PTPRG: variants seen among roughly 807,000 people sequenced by gnomAD.
PTPRG encodes receptor-type tyrosine-protein phosphatase gamma.
Under a neutral mutation model 165.3 loss-of-function variants are expected in PTPRG, and 102 were observed. The ratio of observed to expected loss-of-function variants is 0.62; its 90% CI spans 0.53 to 0.73. The LOEUF (loss-of-function observed/expected upper bound fraction) is 0.73, where lower values mean the gene tolerates loss of function less well. Among genes scored for constraint, PTPRG ranks in the 30% least tolerant of loss-of-function variants. The probability of loss-of-function intolerance (pLI) is 0.00; values close to 1 mark genes in which losing one functional copy is unlikely to be tolerated. For synonymous variants in PTPRG, 675 were observed against 669.5 expected (o/e 1.01, Z -0.13); for missense variants, 1,866 against 1,861.4 (o/e 1.00, Z -0.05).
At chr3:61,930,852 G>T (rs908980640) in intron 2 of PTPRG, among the ~76,000 whole-genome samples, 3 of 152,170 alleles carry the variant, frequency 2.0e-5, no homozygotes, top group African/African-American at 7.2e-5. Context: ...CACGAGGTCA[G>T]GAGTTCGAGA....
At chr3:61,972,838 T>C (rs1228212899) in intron 2 of PTPRG, among the ~76,000 whole-genome samples, 2 of 151,558 alleles carry the variant, frequency 1.3e-5, no homozygotes, top group Non-Finnish European at 2.9e-5. Flanking sequence ...TTTTTTTTTT[T>C]TGTAGAGACA....
intron 27 of PTPRG, 63 bp from the exon 28 acceptor site, chr3:62,282,664 G>A (rs1702497934): frequency 6.6e-7 from 1 of 1,514,708 alleles, no homozygotes; most frequent in African/African-American, 1.4e-5. Context: ...GCAAGTTCTA[G>A]TCATTAGATT....
At position 62,293,494 on chromosome 3, in the gene PTPRG, C is replaced by T. The variant is rs569938539; in HGVS notation, c.*187C>T. ...CCTACTGAGCATTTGCACCTCTGTT[C>T]ATTTCACACAGTGAAACGCAATTTT... On this transcript the variant is annotated 3_prime_UTR_variant, in exon 30 of 30. Coordinates refer to ENST00000474889, the MANE Select transcript of PTPRG (RefSeq NM_002841.4). 8.6e-6 allele frequency: 4 copies of T among 465,628 alleles called. No individual in the cohort carries two copies. The highest frequency in any genetic ancestry group is 3.9e-5 in the Admixed American group (1 of 25,398). The allele number at this position is 465,628 out of a possible 1,614,324, so 28.8% of individuals were successfully genotyped here.
At chr3:62,093,194 G>A (rs767939486) in intron 5 of PTPRG, among the ~76,000 whole-genome samples, 1 of 152,178 alleles carries the variant, frequency 6.6e-6, no homozygotes, top group African/African-American at 2.4e-5. Context: ...GATCCCTTGA[G>A]GTCCCTTAAT....
At chr3:62,199,087 A>G (rs1001582971) in intron 10 of PTPRG, among the ~76,000 whole-genome samples, 2 of 152,222 alleles carry the variant, frequency 1.3e-5, no homozygotes, top group African/African-American at 4.8e-5. Context: ...GGCATTAAAT[A>G]GAGCTCCTTT....
intron 1 of PTPRG, among the ~76,000 whole-genome samples, chr3:61,689,310 C>T (rs866968920): frequency 2.0e-5 from 3 of 152,212 alleles, no homozygotes; most frequent in South Asian, 2.1e-4. Flanking sequence ...TACATTCACA[C>T]GTTTACACAC....
At chr3:61,664,717 G>C (rs544112507) in intron 1 of PTPRG, among the ~76,000 whole-genome samples, 1 of 152,298 alleles carries the variant, frequency 6.6e-6, no homozygotes, top group African/African-American at 2.4e-5. Flanking sequence ...TGTAATCCCA[G>C]CTACTAGGGA....
At chr3:62,282,953 AT>A in intron 28 of PTPRG, 84 bp downstream of exon 28, 1 of 1,329,682 alleles carries the variant, frequency 7.5e-7, no homozygotes, top group Non-Finnish European at 1.0e-6. Flanking sequence ...GGAAGCCAGA[AT>A]TTTAAAACCT....
At chr3:61,589,684 T>C (rs899278558) in intron 1 of PTPRG, among the ~76,000 whole-genome samples, 1 of 152,102 alleles carries the variant, frequency 6.6e-6, no homozygotes, top group South Asian at 2.1e-4. Context: ...CGTGTCAGGA[T>C]GGCCTTGTCC....
At chr3:61,664,129 T>C (rs1013470470) in intron 1 of PTPRG, among the ~76,000 whole-genome samples, 3 of 152,226 alleles carry the variant, frequency 2.0e-5, no homozygotes, top group Non-Finnish European at 4.4e-5. Flanking sequence ...CCTTAAGTTG[T>C]GAGTGATGAA....
intron 6 of PTPRG, among the ~76,000 whole-genome samples, chr3:62,148,695 G>A (rs1704211341): frequency 6.6e-6 from 1 of 152,158 alleles, no homozygotes; most frequent in Non-Finnish European, 1.5e-5. Context: ...TCAGAAGGTG[G>A]AGGTGGCAGT....
chr3:61,750,641 T>C (rs1039182410), intron 2 of PTPRG: 4 of 152,206 alleles, frequency 2.6e-5, no homozygotes, highest in African/African-American at 9.6e-5. Flanking sequence ...TCAAAAGCCA[T>C]GTCGTCTTTG....
rs1700342085 is a variant in PTPRG at position 62,210,842 on chromosome 3, A to T, written c.2155+6892A>T. On this transcript the variant is annotated intron_variant, in intron 12 of 29. Transcript: ENST00000474889. The surrounding 1 kb of genome is among the most constrained non-coding windows in gnomAD (Gnocchi z 4.1). ...TTGTAAGAATATAGCATATAATACAAATAATATACAAATATGTGTTAACTA... is the reference window on the plus strand; with the variant it reads ...TTGTAAGAATATAGCATATAATACATATAATATACAAATATGTGTTAACTA... Among the ~76,000 whole-genome samples, 1 of 152,230 alleles carries T rather than the reference A, an allele frequency of 6.6e-6. No individual in the cohort carries two copies. The highest frequency in any genetic ancestry group is 2.4e-5 in the African/African-American group (1 of 41,462).
chr3:62,024,740 C>G (rs1019823020), intron 4 of PTPRG, among the ~76,000 whole-genome samples: 4 of 152,096 alleles, frequency 2.6e-5, no homozygotes, highest in Non-Finnish European at 5.9e-5. Flanking sequence ...AATGTGTTAT[C>G]TGATAGATAA....
chr3:61,647,271 A>G (rs1702224041), intron 1 of PTPRG, among the ~76,000 whole-genome samples: 1 of 152,174 alleles, frequency 6.6e-6, no homozygotes, highest in Non-Finnish European at 1.5e-5. Context: ...CGTCTTTCAC[A>G]CCATTATCTG....
At chr3:61,737,232 G>A (rs1332454766) in intron 1 of PTPRG, among the ~76,000 whole-genome samples, 1 of 151,936 alleles carries the variant, frequency 6.6e-6, no homozygotes, top group Non-Finnish European at 1.5e-5. Flanking sequence ...TGTATTCTCT[G>A]TGGCTGTATC....
intron 4 of PTPRG, among the ~76,000 whole-genome samples, chr3:62,063,435 C>T (rs1700888624): frequency 6.6e-6 from 1 of 152,126 alleles, no homozygotes; most frequent in Non-Finnish European, 1.5e-5. Flanking sequence ...CTTTGGGCAG[C>T]CTTGTTTTGC....
chr3:61,636,150 A>C (rs566165012), intron 1 of PTPRG, among the ~76,000 whole-genome samples: 2 of 152,174 alleles, frequency 1.3e-5, no homozygotes, highest in African/African-American at 4.8e-5. Context: ...ACAGACAACT[A>C]AATGCTCCAG....
At chr3:61,767,239 T>TTAAAAAAAAAA in intron 2 of PTPRG, among the ~76,000 whole-genome samples, 1 of 73,080 alleles carries the variant, frequency 1.4e-5, no homozygotes, top group East Asian at 5.1e-4. Context: ...AGATTCCATC[T>TTAAAAAAAAAA]CAAAAAAAAA....
Sources: gnomAD v4.1 joint callset for allele counts (sites outside exome capture counted in the v4.1 genomes callset) on GRCh38, gnomAD v4.1.1 for gene constraint, Gnocchi (gnomAD v3.1) non-coding constraint, MANE v1.5 for transcripts, NCBI Gene and HGNC (gene_info 2026-07-23, HGNC 2026-07-21) for gene names.